Variants in TAF1B observed in about 807,000 individuals in gnomAD.
The protein encoded by TAF1B is TATA-box binding protein associated factor, RNA polymerase I subunit B.
A neutral mutation model predicts 83.9 loss-of-function variants in TAF1B; 61 were observed. The ratio of observed to expected loss-of-function variants is 0.73; its 90% CI spans 0.59 to 0.90. TAF1B has a LOEUF of 0.90. Ranked by LOEUF, TAF1B falls within the 40% of genes least tolerant of loss-of-function variation. The pLI is 0.00. For missense variants in TAF1B, 625 were observed against 677.0 expected, an observed-to-expected ratio of 0.92 and a Z score of 0.85; for synonymous variants, 221 against 224.6, an observed-to-expected ratio of 0.98 and a Z score of 0.14.
intron 14 of TAF1B, among the ~76,000 whole-genome samples, chr2:9,931,122 A>G (rs1004294645): frequency 1.6e-4 from 25 of 152,106 alleles, no homozygotes; most frequent in African/African-American, 5.8e-4. Context: ...TCTTTATCCA[A>G]TTTGCCAGTC....
Position 9,905,026 on chromosome 2 carries a change from TGTG to T in TAF1B, c.955+22_955+24del. ...TCCCTGGTAAGTGTGTGACATATAT[TGTG>T]GGGACACTTTAACTAGTAGAGTAAT... On this transcript the variant is annotated intron_variant, in intron 9 of 14. Transcript: ENST00000263663. The T allele has an allele frequency of 6.3e-7, 1 of 1,598,760 alleles. No homozygotes were observed. The highest frequency in any genetic ancestry group is 8.6e-7 in the Non-Finnish European group (1 of 1,168,262).
At chr2:9,851,951 G>T (rs542472556) in intron 4 of TAF1B, 45 of 511,880 alleles carry the variant, frequency 8.8e-5, no homozygotes, top group Non-Finnish European at 1.5e-4. Context: ...GTGTTAATGT[G>T]CTTGTTTAAT....
intron 7 of TAF1B, among the ~76,000 whole-genome samples, chr2:9,879,631 G>A (rs1268825495): frequency 6.6e-6 from 1 of 152,170 alleles, no homozygotes; most frequent in Admixed American, 6.5e-5. Flanking sequence ...AGCAAGAGCT[G>A]TGTGATGAAG....
intron 5 of TAF1B, among the ~76,000 whole-genome samples, chr2:9,861,255 T>C (rs1403273577): frequency 1.3e-5 from 2 of 152,248 alleles, no homozygotes; most frequent in East Asian, 1.9e-4. Flanking sequence ...ACCCTAATAC[T>C]GCGCTTTTCG....
chr2:9,931,622 G>A (rs1465450816), intron 14 of TAF1B, among the ~76,000 whole-genome samples: 1 of 152,098 alleles, frequency 6.6e-6, no homozygotes, highest in Non-Finnish European at 1.5e-5. Context: ...TTTCAACCTT[G>A]GTGAATCTGA....
chr2:9,844,190 C>T (rs780452709), intron 1 of TAF1B, among the ~76,000 whole-genome samples: 15 of 152,060 alleles, frequency 9.9e-5, no homozygotes, highest in Non-Finnish European at 8.8e-5. Flanking sequence ...TCACTTCTTC[C>T]CCCAGGCTGG....
intron 8 of TAF1B, among the ~76,000 whole-genome samples, chr2:9,883,085 A>G (rs1401502045): frequency 6.6e-6 from 1 of 152,218 alleles, no homozygotes; most frequent in East Asian, 1.9e-4. Flanking sequence ...TTTTATCTAG[A>G]GACCTTTAGG....
chr2:9,843,697 G>T (rs927292760), intron 1 of TAF1B, 138 bp downstream of exon 1: 1 of 1,012,692 alleles, frequency 9.9e-7, no homozygotes, highest in Non-Finnish European at 1.4e-6. Flanking sequence ...GGGCTGCAGG[G>T]CGGGCTAAGG....
chr2:9,867,807 C>G (rs1225642954), intron 5 of TAF1B, among the ~76,000 whole-genome samples: 2 of 152,124 alleles, frequency 1.3e-5, no homozygotes, highest in Non-Finnish European at 2.9e-5. Context: ...GGAGAAATCA[C>G]TGAAGAGTGG....
In TAF1B at chr2:9,904,895, G is replaced by A. The variant is rs396190; in HGVS notation, c.844G>A (p.Val282Ile). ...CTACGAGGACATCTACAAAAAAACA[G>A]TAGAAGTTGGAACATTTTTAGATTT... ...PDYEDIYKKT[V>I]EVGTFLDLPR... The change falls in exon 9 of 15, where the codon GTA becomes ATA. Residue 282 changes from valine to isoleucine, a missense_variant. By Grantham distance (29) the Val-to-Ile change is conservative (BLOSUM62 3). Coordinates refer to ENST00000263663, the MANE Select transcript of TAF1B (RefSeq NM_005680.3). 1,591,633 of 1,610,950 alleles carry A rather than the reference G, an allele frequency of 0.99. 787,948 individuals are homozygous for A. The highest frequency in any genetic ancestry group is 1 in the East Asian group (44,832 of 44,832).
Position 9,911,553 on chromosome 2 carries a change from A to G in TAF1B, c.1176A>G (p.Lys392=). The G allele has an allele frequency of 6.6e-7, 1 of 1,521,362 alleles. No homozygotes were observed. The highest frequency in any genetic ancestry group is 8.9e-7 in the Non-Finnish European group (1 of 1,127,158). 94.2% of individuals were successfully genotyped at this position (1,521,362 alleles called of 1,614,324 possible). The part of the protein sequence containing the change: ...NLAEKHNEKN[K]KDKPWFDFRK... ...CTGAAAAGCATAATGAAAAGAACAA[A>G]AAAGGTATTTTAATTTTTTATCATT... is the stretch of plus-strand genomic sequence containing the variant. The change falls in exon 11 of 15, where the codon AAA becomes AAG. Residue 392 remains lysine, a synonymous_variant. Coordinates refer to ENST00000263663, the MANE Select transcript of TAF1B (RefSeq NM_005680.3).
chr2:9,880,426 C>CTT (rs6146620), intron 7 of TAF1B, among the ~76,000 whole-genome samples: 2,603 of 74,570 alleles, frequency 0.035, 56 homozygotes, highest in Middle Eastern at 0.064. Flanking sequence ...GAGTAAGCAG[C>CTT]TTTTTTTTTT....
At chr2:9,871,932 G>T (rs897510367) in intron 6 of TAF1B, among the ~76,000 whole-genome samples, 2 of 152,098 alleles carry the variant, frequency 1.3e-5, no homozygotes, top group Non-Finnish European at 2.9e-5. Flanking sequence ...CATGTGAGTG[G>T]CATGCCTTAT....
chr2:9,932,064 G>A (rs542636593), intron 14 of TAF1B, among the ~76,000 whole-genome samples: 5 of 152,222 alleles, frequency 3.3e-5, no homozygotes, highest in South Asian at 2.1e-4. Context: ...TTAGCCATTC[G>A]TCTAATCTTT....
intron 14 of TAF1B, among the ~76,000 whole-genome samples, chr2:9,925,439 C>T (rs1341587060): frequency 1.3e-5 from 2 of 151,044 alleles, no homozygotes; most frequent in African/African-American, 4.9e-5. Context: ...GACTCCGTCT[C>T]AAAAAAAAGA....
At position 9,907,002 on chromosome 2, in the gene TAF1B, C is replaced by T. The variant is rs558658727; in HGVS notation, c.955+1996C>T. The stretch of plus-strand genomic sequence containing the variant: ...CAGTGATCCTCCCACCTCAGCCTCC[C>T]GAGTAGCTGAGACTGCAGGCACGCA... On this transcript the variant is annotated intron_variant, in intron 9 of 14. Transcript: ENST00000263663. Among the ~76,000 whole-genome samples the T allele has an allele frequency of 7.2e-5, 11 of 152,190 alleles. No individual in the cohort carries two copies. In the South Asian group the frequency reaches 1.7e-3, roughly 23 times the overall value.
At chr2:9,882,598 T>C in intron 7 of TAF1B, 108 bp from the exon 8 acceptor site, 1 of 595,158 alleles carries the variant, frequency 1.7e-6, no homozygotes, top group South Asian at 3.7e-5. Flanking sequence ...TAGAATATGC[T>C]TAACTAATTC....
chr2:9,883,582 G>T (rs1033314099), intron 8 of TAF1B, among the ~76,000 whole-genome samples: 1 of 152,182 alleles, frequency 6.6e-6, no homozygotes, highest in African/African-American at 2.4e-5. Flanking sequence ...AATAAATGCA[G>T]ACATAAAGTG....
In TAF1B at chr2:9,882,854, T is replaced by A. The variant is rs188470492; in HGVS notation, c.807+49T>A. On this transcript the variant is annotated intron_variant, in intron 8 of 14. Coordinates refer to ENST00000263663, the MANE Select transcript of TAF1B (RefSeq NM_005680.3). ...TCTAGTCTCTGATAAGGCACAAGAGTGGTATGATAATTTCTATTTCTTGCT... is the reference window on the plus strand; with the variant it reads ...TCTAGTCTCTGATAAGGCACAAGAGAGGTATGATAATTTCTATTTCTTGCT... 1.1e-5 allele frequency: 14 copies of A among 1,318,702 alleles called. No individual in the cohort carries two copies. The African/African-American group carries it at 1.9e-4, about 18-fold the overall frequency. 81.7% of individuals were successfully genotyped at this position (1,318,702 alleles called of 1,614,324 possible).
Sources: allele counts gnomAD v4.1 joint callset (sites outside exome capture counted in the v4.1 genomes callset), GRCh38; gene constraint gnomAD v4.1.1; transcripts MANE v1.5; gene names NCBI Gene and HGNC (gene_info 2026-07-23, HGNC 2026-07-21).